TEX15: variants seen among roughly 807,000 people sequenced by gnomAD.
TEX15 encodes testis-expressed protein 15.
Under a neutral mutation model 237.3 loss-of-function variants are expected in TEX15, and 171 were observed. That is an observed-to-expected ratio of 0.72 (90% CI 0.64 to 0.82). The LOEUF is 0.82. TEX15 is among the 40% of genes least tolerant of loss of function. The pLI is 0.00. For synonymous variants in TEX15, 1,338 were observed against 1,269.8 expected (o/e 1.05, Z -1.14); for missense variants, 3,750 against 3,646.5 (o/e 1.03, Z -0.73).
rs545467057 is a variant in TEX15, at chr8:30,855,043, C to T, written c.850+3625G>A. On this transcript the variant is annotated intron_variant, in intron 7 of 10. Transcript: ENST00000643185. ...TCCTGGTAAAAGACTGGATGCCTTCCCCCTAAATTCAAGAATACAGACAAA... is the reference window on the plus strand; with the variant it reads ...TCCTGGTAAAAGACTGGATGCCTTCTCCCTAAATTCAAGAATACAGACAAA... 5.9e-5 allele frequency among the ~76,000 whole-genome samples: 9 copies of T among 152,176 alleles called. No individual in the cohort carries two copies. The East Asian group carries it at 1.7e-3, about 29-fold the overall frequency.
intron 7 of TEX15, among the ~76,000 whole-genome samples, chr8:30,850,383 G>A (rs144268125): frequency 1.3e-5 from 2 of 152,098 alleles, no homozygotes; most frequent in East Asian, 3.8e-4. Flanking sequence ...AACATTCATA[G>A]CTAAGTAACA....
chr8:30,900,106 C>A (rs939855332), intron 1 of TEX15, among the ~76,000 whole-genome samples: 15 of 152,158 alleles, frequency 9.9e-5, no homozygotes, highest in Admixed American at 2.6e-4. Flanking sequence ...AAAGCTGACA[C>A]TGTAGATTGG....
chr8:30,843,461 C>T lies in TEX15; in HGVS notation c.6706G>A (p.Asp2236Asn), dbSNP rs771835254. The T allele has an allele frequency of 8.1e-6, 13 of 1,612,716 alleles. No homozygotes were observed. The highest frequency in any genetic ancestry group is 6.7e-5 in the Admixed American group (4 of 59,904). ...ATTTCTATGATAATCCACAGATGGTCCTGTTTTCCTGGATACGAATGAACT... is the reference window on the plus strand; with the variant it reads ...ATTTCTATGATAATCCACAGATGGTTCTGTTTTCCTGGATACGAATGAACT... Reference protein sequence around the residue: ...PKVHSYPGKQDHLWIIIEMIS... With the variant: ...PKVHSYPGKQNHLWIIIEMIS... Residue 2236 changes from aspartate to asparagine, a missense_variant, in exon 8 of 11, where the codon GAC (aspartate) becomes AAC (asparagine). Asp to Asn is a conservative substitution (Grantham distance 23). Transcript: ENST00000643185.
rs1163537966 is a variant in TEX15, at chr8:30,849,110, T to C, written c.1057A>G (p.Ile353Val). Residue 353 changes from isoleucine (I) to valine (V), a missense_variant, in exon 8 of 11, where the codon ATA becomes GTA. Ile to Val is a conservative substitution (Grantham distance 29). Coordinates refer to ENST00000643185, the MANE Select transcript of TEX15 (RefSeq NM_001350162.2). ...GTCTGTCCACTGTATGTTTCAGGTATAGAAATGTTTCCATTTTGTACATTT... is the reference window on the plus strand; with the variant it reads ...GTCTGTCCACTGTATGTTTCAGGTACAGAAATGTTTCCATTTTGTACATTT... ...YGNVQNGNIS[I>V]PETYSGQTEH... The C allele has an allele frequency of 1.9e-6, 3 of 1,607,850 alleles. No individual in the cohort carries two copies. Among genetic ancestry groups the C allele is most frequent in the Non-Finnish European group, 1.7e-6 (2 of 1,177,240 alleles).
intron 2 of TEX15, chr8:30,888,797 T>G (rs1808721132): frequency 1.1e-5 from 5 of 436,754 alleles, no homozygotes; most frequent in South Asian, 1.0e-4. Flanking sequence ...TCCCCTCCTG[T>G]TCTTTATGAA....
chr8:30,909,397 C>CCCCCA (rs34191348), intron 1 of TEX15, among the ~76,000 whole-genome samples: 6 of 140,876 alleles, frequency 4.3e-5, no homozygotes, highest in African/African-American at 1.6e-4. Flanking sequence ...AAGACAGACC[C>CCCCCA]CCCCCCGCCC....
chr8:30,878,671 G>T (rs777616389), intron 3 of TEX15, among the ~76,000 whole-genome samples: 6 of 152,146 alleles, frequency 3.9e-5, no homozygotes, highest in Admixed American at 6.5e-5. Context: ...ACATGCGTGA[G>T]CCACTGTGCC....
Position 30,847,046 on chromosome 8 carries a change from ATTC to A in TEX15, c.3118_3120del (p.Glu1040del). On this transcript the variant is annotated inframe_deletion, in exon 8 of 11. Transcript: ENST00000643185. ...TTCTCATTTATTGATTGATGAAATG[ATTC>A]TTGTGATTTATTTTTATCCGTATCA... The A allele has an allele frequency of 1.2e-6, 2 of 1,612,850 alleles. No homozygotes were observed. The highest frequency in any genetic ancestry group is 1.7e-6 in the Non-Finnish European group (2 of 1,179,296).
At chr8:30,849,499 T>C (rs1005084591) in intron 7 of TEX15, among the ~76,000 whole-genome samples, 183 bp from the exon 8 acceptor site, 6 of 152,132 alleles carry the variant, frequency 3.9e-5, no homozygotes, top group African/African-American at 1.4e-4. Flanking sequence ...AAATAAAATA[T>C]AAATGACGTA....
intron 2 of TEX15, chr8:30,887,920 A>G (rs1048455738): frequency 5.2e-4 from 52 of 100,450 alleles, no homozygotes; most frequent in African/African-American, 2.7e-3. Flanking sequence ...ATATATATAT[A>G]TATATATATG....
At chr8:30,850,002 TTAA>T (rs1267817937) in intron 7 of TEX15, among the ~76,000 whole-genome samples, 1 of 152,030 alleles carries the variant, frequency 6.6e-6, no homozygotes, top group Non-Finnish European at 1.5e-5. Context: ...ATTCAGATGT[TTAA>T]TAATAGCATG....
chr8:30,837,724 G>A lies in TEX15; in HGVS notation c.8560C>T (p.Pro2854Ser). The A allele has an allele frequency of 6.2e-7, 1 of 1,614,096 alleles. No individual in the cohort carries two copies. The highest frequency in any genetic ancestry group is 8.5e-7 in the Non-Finnish European group (1 of 1,179,968). Residue 2854 changes from proline to serine, a missense_variant, in exon 10 of 11, where the codon CCA becomes TCA. Transcript: ENST00000643185. ...TTCTGCAAAAGCGTCCCATGGTCTG[G>A]TGAAAATGTGCCATGTACACTTTTT... ...DQKSVHGTFS[P>S]DHGTLLQKFL...
At chr8:30,891,563 T>G (rs1022455345) in intron 2 of TEX15, among the ~76,000 whole-genome samples, 1 of 151,264 alleles carries the variant, frequency 6.6e-6, no homozygotes, top group African/African-American at 2.4e-5. Context: ...CACTGCAACC[T>G]CTGTCTCCTG....
intron 2 of TEX15, among the ~76,000 whole-genome samples, chr8:30,896,274 G>A (rs535731149): frequency 3.9e-5 from 6 of 152,276 alleles, no homozygotes; most frequent in African/African-American, 1.2e-4. Flanking sequence ...AGCAAAGAAT[G>A]CATGGCAGTA....
chr8:30,879,899 A>C (rs1406176031), intron 3 of TEX15, among the ~76,000 whole-genome samples: 1 of 151,192 alleles, frequency 6.6e-6, no homozygotes. Context: ...CCATGAGCAC[A>C]CTACATCTCT....
chr8:30,833,658 C>A (rs1345643144), intron 10 of TEX15, among the ~76,000 whole-genome samples: 1 of 152,182 alleles, frequency 6.6e-6, no homozygotes, highest in Non-Finnish European at 1.5e-5. Context: ...GCACCACGAA[C>A]AATATAGTGA....
chr8:30,876,218 T>C (rs572627273), intron 3 of TEX15, among the ~76,000 whole-genome samples: 29 of 152,248 alleles, frequency 1.9e-4, no homozygotes, highest in Non-Finnish European at 3.2e-4. Flanking sequence ...AAACTTGTTC[T>C]TCCATTTTCC....
At chr8:30,901,588 C>G (rs766719975) in intron 1 of TEX15, among the ~76,000 whole-genome samples, 9 of 152,076 alleles carry the variant, frequency 5.9e-5, no homozygotes, top group Non-Finnish European at 1.3e-4. Flanking sequence ...GTACAGAAAA[C>G]AGATAAACAA....
chr8:30,845,783 T>C lies in TEX15; in HGVS notation c.4384A>G (p.Lys1462Glu), dbSNP rs1019871505. 3 of 1,611,642 alleles carry C rather than the reference T, an allele frequency of 1.9e-6. No individual in the cohort carries two copies. The highest frequency in any genetic ancestry group is 2.2e-5 in the South Asian group (2 of 90,258). Residue 1462 changes from lysine (K) to glutamate (E), a missense_variant, in exon 8 of 11, where the codon AAA (lysine) becomes GAA (glutamate). By Grantham distance (56) the Lys-to-Glu change is moderately conservative. Transcript: ENST00000643185. ...GTTAATGATTTAGAAATATCAGCTT[T>C]TGGAGCTCTTTTCTTTCTCCGTTTG... ...YDKRRKKRAPKADISKSLTHV... is the reference protein window; with the variant it reads ...YDKRRKKRAPEADISKSLTHV...
Sources: gnomAD v4.1 joint callset for allele counts (sites outside exome capture counted in the v4.1 genomes callset) on GRCh38, gnomAD v4.1.1 for gene constraint, MANE v1.5 for transcripts, NCBI Gene and HGNC (gene_info 2026-07-23, HGNC 2026-07-21) for gene names.